Variants in PLEKHH2 observed in about 807,000 individuals in gnomAD.
PLEKHH2 encodes pleckstrin homology domain-containing family H member 2.
A neutral mutation model predicts 187.9 loss-of-function variants in PLEKHH2; 129 were observed. The ratio of observed to expected loss-of-function variants is 0.69; its 90% CI spans 0.59 to 0.79. PLEKHH2 has a LOEUF of 0.79. Ranked by LOEUF, PLEKHH2 falls within the 30% of genes least tolerant of loss-of-function variation. The probability of loss-of-function intolerance (pLI) is 0.00; values close to 1 mark genes in which losing one functional copy is unlikely to be tolerated. For synonymous variants in PLEKHH2, 686 were observed against 605.6 expected (o/e 1.13, Z -1.95); for missense variants, 2,076 against 1,751.2 (o/e 1.19, Z -3.31).
chr2:43,717,058 G>A (rs1670245749), intron 15 of PLEKHH2, among the ~76,000 whole-genome samples: 1 of 152,218 alleles, frequency 6.6e-6, no homozygotes, highest in Admixed American at 6.5e-5. Flanking sequence ...ATGGGGCCAG[G>A]AGGGGACTGA....
At chr2:43,756,419 A>C (rs963623737) in intron 25 of PLEKHH2, among the ~76,000 whole-genome samples, 2 of 151,980 alleles carry the variant, frequency 1.3e-5, no homozygotes. Flanking sequence ...CAGCCTCCCG[A>C]GTAGCTGGGA....
chr2:43,732,164 G>C (rs2104573888), intron 19 of PLEKHH2, among the ~76,000 whole-genome samples: 1 of 152,244 alleles, frequency 6.6e-6, no homozygotes, highest in South Asian at 2.1e-4. Flanking sequence ...AGGAGTTCAA[G>C]ACCAGCCTGG....
intron 2 of PLEKHH2, among the ~76,000 whole-genome samples, chr2:43,678,070 C>G (rs541030024): frequency 1.3e-5 from 2 of 150,868 alleles, no homozygotes; most frequent in Non-Finnish European, 2.9e-5. Flanking sequence ...ACCTCCCAGA[C>G]GGGGTCGCGG....
chr2:43,728,628 C>T (rs1291527163), intron 17 of PLEKHH2, among the ~76,000 whole-genome samples: 1 of 145,460 alleles, frequency 6.9e-6, no homozygotes, highest in Non-Finnish European at 1.5e-5. Flanking sequence ...GTGGCGTGAT[C>T]TCGGCTCACT....
intron 19 of PLEKHH2, among the ~76,000 whole-genome samples, chr2:43,736,636 C>A (rs1424186013): frequency 6.6e-6 from 1 of 152,068 alleles, no homozygotes; most frequent in Admixed American, 6.6e-5. Context: ...GAGTTCGAGA[C>A]CAGCCTGGCC....
intron 19 of PLEKHH2, among the ~76,000 whole-genome samples, chr2:43,735,543 T>G (rs944832119): frequency 6.6e-6 from 1 of 152,174 alleles, no homozygotes; most frequent in African/African-American, 2.4e-5. Context: ...GACAAGGACT[T>G]AGAGTATATT....
rs112673572 is a variant in PLEKHH2, at chr2:43,680,214, A to C, written c.186+1289A>C. Among the ~76,000 whole-genome samples the C allele has an allele frequency of 2.5e-4, 38 of 152,314 alleles. 1 individual carries two copies. The Middle Eastern group carries it at 0.014, about 55-fold the overall frequency. On this transcript the variant is annotated intron_variant, in intron 3 of 29. Coordinates refer to ENST00000282406, the MANE Select transcript of PLEKHH2 (RefSeq NM_172069.4). ...AATATGGTTAACTATAATTTATTGC[A>C]TATTTACAAAAAGCTTAAAGAGCCA...
chr2:43,679,204 G>C (rs1234920721), intron 3 of PLEKHH2, among the ~76,000 whole-genome samples: 1 of 152,054 alleles, frequency 6.6e-6, no homozygotes, highest in Non-Finnish European at 1.5e-5. Flanking sequence ...TTTAAGTTTT[G>C]TATATAAATA....
chr2:43,701,989 G>T (rs1398973607), intron 8 of PLEKHH2, among the ~76,000 whole-genome samples: 1 of 152,140 alleles, frequency 6.6e-6, no homozygotes, highest in Non-Finnish European at 1.5e-5. Flanking sequence ...GGCTGGTCTT[G>T]AATGCCTGAC....
chr2:43,752,792 A>G (rs780154461), intron 24 of PLEKHH2, among the ~76,000 whole-genome samples: 4 of 152,200 alleles, frequency 2.6e-5, no homozygotes, highest in Non-Finnish European at 5.9e-5. Context: ...GACACAGTGA[A>G]TAAATAAAGA....
intron 29 of PLEKHH2, 33 bp from the exon 30 acceptor site, chr2:43,765,380 A>C: frequency 3.7e-6 from 6 of 1,602,766 alleles, no homozygotes; most frequent in Non-Finnish European, 5.1e-6. Context: ...AGAACTTCTA[A>C]GGAGCAAAAC....
chr2:43,656,340 T>C (rs558887910), intron 2 of PLEKHH2, among the ~76,000 whole-genome samples: 1 of 152,334 alleles, frequency 6.6e-6, no homozygotes, highest in Admixed American at 6.5e-5. Flanking sequence ...TATATGTTTA[T>C]ACAGTTTGTG....
Position 43,675,348 on chromosome 2 carries a change from C to G in PLEKHH2, c.124-3515C>G, listed in dbSNP as rs536262848. 56 of 1,486,118 alleles carry G rather than the reference C, an allele frequency of 3.8e-5. 1 individual carries two copies. In the South Asian group the frequency reaches 7.6e-4, roughly 20 times the overall value. 92.1% of individuals were successfully genotyped at this position (1,486,118 alleles called of 1,614,324 possible). ...TAGCCACATTTCAAGTGCTCTTGGA[C>G]AGCACAGGTCTATTATTCTCCAGGC... On this transcript the variant is annotated intron_variant, in intron 2 of 29. Coordinates refer to ENST00000282406, the MANE Select transcript of PLEKHH2 (RefSeq NM_172069.4).
At position 43,757,409 on chromosome 2, in the gene PLEKHH2, AT is replaced by A. The variant is rs147375503; in HGVS notation, c.3941+153del. 3,395 of 552,312 alleles carry A rather than the reference AT, an allele frequency of 6.1e-3. 88 individuals are homozygous for A. Among genetic ancestry groups the A allele is most frequent in the African/African-American group, 0.059 (2,891 of 48,660 alleles). The allele number at this position is 552,312 out of a possible 1,614,324, so 34.2% of individuals were successfully genotyped here. ...ATGATTGAGCCACAGGAGATTATAG[AT>A]TTTTTTTCTTTCTTTTTTTTTTTTT... On this transcript the variant is annotated intron_variant, in intron 26 of 29. Coordinates refer to ENST00000282406, the MANE Select transcript of PLEKHH2 (RefSeq NM_172069.4).
intron 15 of PLEKHH2, among the ~76,000 whole-genome samples, 172 bp from the exon 16 acceptor site, chr2:43,720,497 G>A (rs1157653610): frequency 1.3e-5 from 2 of 152,098 alleles, no homozygotes; most frequent in Non-Finnish European, 2.9e-5. Context: ...ATGTCCATGT[G>A]TGCTCAATGT....
In PLEKHH2 at chr2:43,742,734, A is replaced by G. The variant is rs778340060; in HGVS notation, c.3222-7A>G. On this transcript the variant is annotated splice_region_variant and splice_polypyrimidine_tract_variant and intron_variant, in intron 21 of 29. Coordinates refer to ENST00000282406, the MANE Select transcript of PLEKHH2 (RefSeq NM_172069.4). ...TCTTAGATTTTATCTTAAGTTTTGT[A>G]TTACAGGACAGAATTTGGAAAATAT... 1.3e-6 allele frequency: 2 copies of G among 1,530,132 alleles called. No individual in the cohort carries two copies. The highest frequency in any genetic ancestry group is 2.6e-5 in the South Asian group (2 of 76,744). 94.8% of individuals were successfully genotyped at this position (1,530,132 alleles called of 1,614,324 possible). A position where few individuals can be genotyped will look rare whatever the true frequency, so the allele number is the denominator to read the frequency against.
intron 2 of PLEKHH2, among the ~76,000 whole-genome samples, chr2:43,659,176 G>T (rs2722954): frequency 6.9e-6 from 1 of 143,920 alleles, no homozygotes; most frequent in Non-Finnish European, 1.5e-5. Context: ...TTTTTTGGTA[G>T]AAGCGAGGTT....
At chr2:43,639,584 A>G (rs890947375) in intron 1 of PLEKHH2, among the ~76,000 whole-genome samples, 2 of 151,266 alleles carry the variant, frequency 1.3e-5, no homozygotes, top group Non-Finnish European at 2.9e-5. Flanking sequence ...TTCCATGACT[A>G]TAGCGTGTAT....
At chr2:43,709,399 A>G (rs1266322896) in intron 11 of PLEKHH2, among the ~76,000 whole-genome samples, 1 of 152,208 alleles carries the variant, frequency 6.6e-6, no homozygotes, top group East Asian at 1.9e-4. Context: ...CCTATATGTC[A>G]ATGTGTAAAT....
Sources: gnomAD v4.1 joint callset for allele counts (sites outside exome capture counted in the v4.1 genomes callset) on GRCh38, gnomAD v4.1.1 for gene constraint, MANE v1.5 for transcripts, NCBI Gene and HGNC (gene_info 2026-07-23, HGNC 2026-07-21) for gene names.